Variants in HEATR3 observed in about 807,000 individuals in gnomAD.
The protein encoded by HEATR3 is HEAT repeat-containing protein 3.
HEATR3 carries 56 observed loss-of-function variants against 72.8 expected under a neutral mutation model. That is an observed-to-expected ratio of 0.77 (90% CI 0.62 to 0.96). HEATR3 has a LOEUF of 0.96. Ranked by LOEUF, HEATR3 falls within the 40% of genes least tolerant of loss-of-function variation. The probability of loss-of-function intolerance (pLI) is 0.00; values close to 1 mark genes in which losing one functional copy is unlikely to be tolerated. For missense variants in HEATR3, 747 were observed against 831.4 expected (o/e 0.90, Z 1.25); for synonymous variants, 331 against 318.1 (o/e 1.04, Z -0.43).
intron 6 of HEATR3, among the ~76,000 whole-genome samples, chr16:50,076,570 C>T (rs2036733590): frequency 6.6e-6 from 1 of 152,072 alleles, no homozygotes; most frequent in Admixed American, 6.6e-5. Context: ...CAGAGTCCTC[C>T]TCTGTTGCCC....
chr16:50,094,355 A>T (rs2037183993), intron 11 of HEATR3, among the ~76,000 whole-genome samples: 1 of 152,218 alleles, frequency 6.6e-6, no homozygotes. Context: ...CAGCACCCTG[A>T]TGGAGATCTA....
chr16:50,077,597 C>A (rs1027208919), intron 6 of HEATR3, among the ~76,000 whole-genome samples: 23 of 152,316 alleles, frequency 1.5e-4, no homozygotes, highest in Admixed American at 1.3e-3. Context: ...CTTCCCCCAG[C>A]TGCTGTCAGC....
rs557760476 is a variant in HEATR3, at chr16:50,086,064, G to A, written c.1374-151G>A. The A allele has an allele frequency of 7.2e-5, 51 of 705,328 alleles. No homozygotes were observed. The African/African-American group carries it at 8.5e-4, about 12-fold the overall frequency. The allele number at this position is 705,328 out of a possible 1,614,324, so 43.7% of individuals were successfully genotyped here. ...TAAATTTTAGAAAACACAAAAAACAGTTCACCTTGTGATTCTTTGCTAACT... is the reference window on the plus strand; with the variant it reads ...TAAATTTTAGAAAACACAAAAAACAATTCACCTTGTGATTCTTTGCTAACT... On this transcript the variant is annotated intron_variant, in intron 10 of 14. Coordinates refer to ENST00000299192, the MANE Select transcript of HEATR3 (RefSeq NM_182922.4).
intron 6 of HEATR3, 38 bp downstream of exon 6, chr16:50,075,749 T>A (rs772180015): frequency 5.1e-6 from 8 of 1,578,600 alleles, no homozygotes; most frequent in Non-Finnish European, 6.9e-6. Context: ...ATTGTTTCAG[T>A]AGCTTTTGGT....
At chr16:50,099,359 C>G (rs989666820) in intron 12 of HEATR3, among the ~76,000 whole-genome samples, 1 of 152,134 alleles carries the variant, frequency 6.6e-6, no homozygotes, top group African/African-American at 2.4e-5. Context: ...AATCCTAACA[C>G]TTTGGGAGCC....
intron 5 of HEATR3, chr16:50,072,963 G>T: frequency 2.5e-6 from 1 of 393,736 alleles, no homozygotes; most frequent in East Asian, 5.3e-5. Context: ...GTGGTTTCTA[G>T]CCTGTTTCCA....
At chr16:50,071,645 C>T (rs190520513) in intron 4 of HEATR3, among the ~76,000 whole-genome samples, 2 of 152,190 alleles carry the variant, frequency 1.3e-5, no homozygotes, top group Admixed American at 1.3e-4. Context: ...TATGCCTTGT[C>T]TTCCTGACTA....
chr16:50,070,346 T>C (rs527460376), intron 4 of HEATR3, 56 bp downstream of exon 4: 2 of 842,674 alleles, frequency 2.4e-6, no homozygotes, highest in Non-Finnish European at 3.9e-6. Context: ...GCTGCTATTC[T>C]CTGTTATACT....
At chr16:50,098,635 G>A (rs1372563585) in intron 12 of HEATR3, among the ~76,000 whole-genome samples, 2 of 151,858 alleles carry the variant, frequency 1.3e-5, no homozygotes, top group South Asian at 2.1e-4. Flanking sequence ...CAGCCTGGGC[G>A]ACAGAGCGAT....
Position 50,084,622 on chromosome 16 carries a change from G to GA in HEATR3, c.1346dup (p.Asn449LysfsTer9). ...GCATTGCAGTTGACCTATGTTCTAG[G>GA]AACCCTACTTGGAAACCTTTGATTA... On this transcript the variant is annotated frameshift_variant, in exon 10 of 15. Coordinates refer to ENST00000299192, the MANE Select transcript of HEATR3 (RefSeq NM_182922.4). LOFTEE classifies it high-confidence loss of function. 1.9e-6 allele frequency: 3 copies of GA among 1,611,648 alleles called. No homozygotes were observed. Among genetic ancestry groups the GA allele is most frequent in the Non-Finnish European group, 2.5e-6 (3 of 1,178,846 alleles).
intron 11 of HEATR3, among the ~76,000 whole-genome samples, chr16:50,088,623 G>T (rs551838717): frequency 3.3e-5 from 5 of 152,330 alleles, no homozygotes; most frequent in African/African-American, 1.2e-4. Flanking sequence ...AAGAGATCTG[G>T]ATGGTAAACG....
chr16:50,092,444 T>C (rs1416475970), intron 11 of HEATR3, among the ~76,000 whole-genome samples: 2 of 142,978 alleles, frequency 1.4e-5, no homozygotes, highest in East Asian at 2.0e-4. Flanking sequence ...TTCTTTTTTT[T>C]TTTTTTTTCC....
In HEATR3 at chr16:50,102,423, C is replaced by T. The variant is rs1217158342; in HGVS notation, c.1908C>T (p.Val636=). 6.2e-7 allele frequency: 1 copy of T among 1,613,238 alleles called. No homozygotes were observed. The highest frequency in any genetic ancestry group is 2.2e-5 in the East Asian group (1 of 44,884). The stretch of plus-strand genomic sequence containing the variant: ...CTGCTCTGAAAGAATTCCAGCCGGT[C>T]TTTAAAATGAAGGTTTGTAGCCATT... ...LLSALKEFQP[V]FKMKIRKEGR... The change falls in exon 14 of 15, where the codon GTC becomes GTT. Residue 636 remains valine, a synonymous_variant. Coordinates refer to ENST00000299192, the MANE Select transcript of HEATR3 (RefSeq NM_182922.4).
chr16:50,107,214 A>G lies in HEATR3; in HGVS notation c.*2153A>G, dbSNP rs1375093234. Among the ~76,000 whole-genome samples, 2 of 152,242 alleles carry G rather than the reference A, an allele frequency of 1.3e-5. No homozygotes were observed. Among genetic ancestry groups the G allele is most frequent in the Non-Finnish European group, 2.9e-5 (2 of 68,042 alleles). ...CAGGATATTTAGCACAGGACCTAGT[A>G]TATAGTCGACTCTTCATAAATATTT... is the stretch of plus-strand genomic sequence containing the variant. On this transcript the variant is annotated 3_prime_UTR_variant, in exon 15 of 15. Transcript: ENST00000299192.
intron 11 of HEATR3, among the ~76,000 whole-genome samples, chr16:50,092,028 C>T (rs1224704117): frequency 4.6e-5 from 7 of 151,902 alleles, no homozygotes; most frequent in Admixed American, 3.3e-4. Flanking sequence ...AATATGGTAA[C>T]TTTTTGAAGT....
intron 11 of HEATR3, among the ~76,000 whole-genome samples, chr16:50,089,500 C>T (rs948696126): frequency 1.3e-5 from 2 of 152,148 alleles, no homozygotes; most frequent in Non-Finnish European, 2.9e-5. Context: ...GGCCCATACT[C>T]GTATCCCATC....
Position 50,104,545 on chromosome 16 carries a change from T to G in HEATR3, c.1921-394T>G, listed in dbSNP as rs2037439091. 4.6e-5 allele frequency among the ~76,000 whole-genome samples: 7 copies of G among 152,256 alleles called. No homozygotes were observed. In the South Asian group the frequency reaches 1.2e-3, roughly 27 times the overall value. On this transcript the variant is annotated intron_variant, in intron 14 of 14. Coordinates refer to ENST00000299192, the MANE Select transcript of HEATR3 (RefSeq NM_182922.4). ...ACCCAGCCTAACAAAGGAATTTCAT[T>G]AAGGCTTTATACCTTTGAGAGAAGA...
rs568566931 is a variant in HEATR3 at position 50,066,040 on chromosome 16, A to C, written c.-92A>C. 2.3e-6 allele frequency: 3 copies of C among 1,277,184 alleles called. No individual in the cohort carries two copies. In the South Asian group the frequency reaches 3.8e-5, roughly 16 times the overall value. The allele number at this position is 1,277,184 out of a possible 1,614,324, so 79.1% of individuals were successfully genotyped here. On this transcript the variant is annotated 5_prime_UTR_variant, in exon 1 of 15. Coordinates refer to ENST00000299192, the MANE Select transcript of HEATR3 (RefSeq NM_182922.4). ...CAGCCGTCAGCCGGCCCAGCTGAGC[A>C]GCAGCAACGGACCTTGTTAACGGCG...
chr16:50,097,983 A>G (rs1315372273), intron 12 of HEATR3, among the ~76,000 whole-genome samples: 3 of 150,946 alleles, frequency 2.0e-5, no homozygotes, highest in Non-Finnish European at 4.4e-5. Context: ...TGATTTCTTT[A>G]GTGGGGAAAG....
Sources: allele counts gnomAD v4.1 joint callset (sites outside exome capture counted in the v4.1 genomes callset), GRCh38; gene constraint gnomAD v4.1.1; transcripts MANE v1.5; gene names NCBI Gene and HGNC (gene_info 2026-07-23, HGNC 2026-07-21).